Variants in HHAT observed in about 807,000 individuals in gnomAD.
The protein encoded by HHAT is hedgehog acyltransferase, also known as protein-cysteine N-palmitoyltransferase HHAT.
A neutral mutation model predicts 70.8 loss-of-function variants in HHAT; 47 were observed. That is an observed-to-expected ratio of 0.66 (90% confidence interval 0.53 to 0.85). HHAT has a LOEUF of 0.85. Ranked by LOEUF, HHAT falls within the 40% of genes least tolerant of loss-of-function variation. The probability of loss-of-function intolerance (pLI) is 0.00; values close to 1 mark genes in which losing one functional copy is unlikely to be tolerated. For synonymous variants in HHAT, 228 were observed against 247.6 expected (o/e 0.92, Z 0.74); for missense variants, 609 against 604.8 (o/e 1.01, Z -0.07).
chr1:210,335,512 A>C (rs1259636514), intron 1 of HHAT, among the ~76,000 whole-genome samples: 2 of 152,212 alleles, frequency 1.3e-5, no homozygotes, highest in African/African-American at 4.8e-5. Flanking sequence ...TCTTAAGAGC[A>C]AAACTGGAGG....
chr1:210,383,903 T>C (rs1196296579), intron 3 of HHAT, among the ~76,000 whole-genome samples: 1 of 152,202 alleles, frequency 6.6e-6, no homozygotes, highest in African/African-American at 2.4e-5. Context: ...CACTGACATA[T>C]GAAGTTGAGT....
intron 3 of HHAT, among the ~76,000 whole-genome samples, chr1:210,366,938 CCTCT>C (rs1431693862): frequency 6.6e-6 from 1 of 152,198 alleles, no homozygotes; most frequent in African/African-American, 2.4e-5. Flanking sequence ...CACTTCCCTG[CCTCT>C]CTCTTTACTT....
chr1:210,464,703 G>C, intron 8 of HHAT, 48 bp downstream of exon 8: 1 of 1,607,288 alleles, frequency 6.2e-7, no homozygotes, highest in East Asian at 2.2e-5. Flanking sequence ...CCAGTGGGAG[G>C]AGCATGGCTG....
intron 10 of HHAT, among the ~76,000 whole-genome samples, chr1:210,621,225 A>G (rs1434758132): frequency 2.0e-5 from 3 of 152,030 alleles, no homozygotes; most frequent in East Asian, 1.9e-4. Context: ...ACTTAGCTTA[A>G]CAAGCTATGT....
chr1:210,510,181 C>CTAGG (rs2094930223), intron 8 of HHAT, among the ~76,000 whole-genome samples: 1 of 152,042 alleles, frequency 6.6e-6, no homozygotes, highest in South Asian at 2.1e-4. Flanking sequence ...GTGTCCTTAG[C>CTAGG]TAGGTCTCAT....
intron 9 of HHAT, among the ~76,000 whole-genome samples, chr1:210,564,867 A>T (rs963549867): frequency 6.6e-6 from 1 of 152,062 alleles, no homozygotes; most frequent in African/African-American, 2.4e-5. Context: ...AAGAAATGGG[A>T]TGGGGGGTCA....
chr1:210,596,684 T>A (rs909657601), intron 10 of HHAT, among the ~76,000 whole-genome samples: 1 of 152,134 alleles, frequency 6.6e-6, no homozygotes, highest in Non-Finnish European at 1.5e-5. Flanking sequence ...TTTCAGTGTC[T>A]GTTAAATTTA....
chr1:210,651,920 C>T (rs1412923132), intron 11 of HHAT, among the ~76,000 whole-genome samples: 1 of 152,180 alleles, frequency 6.6e-6, no homozygotes, highest in African/African-American at 2.4e-5. Context: ...TGGGGGCCCA[C>T]AGGAGCCCTG....
chr1:210,385,364 A>G (rs1237042872), intron 3 of HHAT, among the ~76,000 whole-genome samples: 1 of 151,254 alleles, frequency 6.6e-6, no homozygotes, highest in African/African-American at 2.4e-5. Flanking sequence ...GCCTCATCAC[A>G]TGACCTTTGA....
chr1:210,337,098 G>A (rs1300894144), intron 1 of HHAT, among the ~76,000 whole-genome samples: 1 of 152,130 alleles, frequency 6.6e-6, no homozygotes, highest in African/African-American at 2.4e-5. Context: ...AAAAGACTTA[G>A]AGTTATGTTT....
At chr1:210,372,839 C>G (rs146321167) in intron 3 of HHAT, among the ~76,000 whole-genome samples, 3 of 148,276 alleles carry the variant, frequency 2.0e-5, no homozygotes, top group East Asian at 4.0e-4. Flanking sequence ...GGATTACAGG[C>G]GTGAGCCACT....
At chr1:210,562,858 A>G (rs971099040) in intron 9 of HHAT, among the ~76,000 whole-genome samples, 12 of 120,678 alleles carry the variant, frequency 9.9e-5, no homozygotes, top group Non-Finnish European at 1.6e-4. Context: ...TCCTGTGTCC[A>G]TGTGTTCTCA....
chr1:210,575,463 A>C (rs1214077955), intron 9 of HHAT, among the ~76,000 whole-genome samples: 3 of 152,158 alleles, frequency 2.0e-5, no homozygotes, highest in African/African-American at 7.2e-5. Flanking sequence ...AATCTGTTTT[A>C]TATGGTGTTT....
intron 10 of HHAT, among the ~76,000 whole-genome samples, chr1:210,594,591 A>C (rs1662516792): frequency 6.6e-6 from 1 of 152,168 alleles, no homozygotes; most frequent in African/African-American, 2.4e-5. Context: ...TGTAGGCCAC[A>C]ATTACATTGT....
chr1:210,467,680 G>A (rs1343770960), intron 8 of HHAT, among the ~76,000 whole-genome samples: 1 of 152,160 alleles, frequency 6.6e-6, no homozygotes, highest in East Asian at 1.9e-4. Flanking sequence ...ATGGGAAGTG[G>A]AGGGAAGAAA....
chr1:210,518,046 G>A (rs1021419555), intron 9 of HHAT, among the ~76,000 whole-genome samples: 3 of 152,114 alleles, frequency 2.0e-5, no homozygotes, highest in East Asian at 1.9e-4. Context: ...ATCAAATCAG[G>A]TTAGTTAGCA....
At chr1:210,535,820 G>A (rs995083733) in intron 9 of HHAT, among the ~76,000 whole-genome samples, 1 of 152,178 alleles carries the variant, frequency 6.6e-6, no homozygotes, top group African/African-American at 2.4e-5. Flanking sequence ...AATAAACAGT[G>A]TTCCAAACCA....
chr1:210,521,485 A>C (rs1257381660), intron 9 of HHAT, among the ~76,000 whole-genome samples: 3 of 152,242 alleles, frequency 2.0e-5, no homozygotes, highest in Admixed American at 2.0e-4. Context: ...TTTGGGCTAA[A>C]AATCATTGGC....
intron 7 of HHAT, among the ~76,000 whole-genome samples, chr1:210,460,491 T>A (rs550960736): frequency 1.1e-3 from 160 of 152,346 alleles, no homozygotes; most frequent in Non-Finnish European, 1.6e-3. Context: ...GAATGGTGTC[T>A]GTTCCTCTGC....
Sources: allele counts gnomAD v4.1 joint callset (sites outside exome capture counted in the v4.1 genomes callset), GRCh38; gene constraint gnomAD v4.1.1; transcripts MANE v1.5; gene names NCBI Gene and HGNC (gene_info 2026-07-23, HGNC 2026-07-21).